The following IL1RAPL1 variants were observed in gnomAD, a reference collection of about 807,000 sequenced individuals.
IL1RAPL1 encodes interleukin-1 receptor accessory protein-like 1.
A neutral mutation model predicts 48.4 loss-of-function variants in IL1RAPL1; 3 were observed. The ratio of observed to expected loss-of-function variants is 0.06; its 90% CI spans 0.03 to 0.16. The LOEUF is 0.16. Ranked by LOEUF, IL1RAPL1 falls within the 10% of genes least tolerant of loss-of-function variation. The probability of loss-of-function intolerance (pLI) is 1.00; values close to 1 mark genes in which losing one functional copy is unlikely to be tolerated. For synonymous variants in IL1RAPL1, 185 were observed against 187.7 expected (o/e 0.99, Z 0.12); for missense variants, 349 against 530.6 (o/e 0.66, Z 3.36).
At chrX:29,608,369 C>G (rs769477120) in intron 5 of IL1RAPL1, among the ~76,000 whole-genome samples, 2 of 99,747 alleles carry the variant, frequency 2.0e-5, no homozygotes, top group Non-Finnish European at 3.9e-5. Flanking sequence ...GTAGGTATTA[C>G]CATCATAGAA....
At chrX:28,916,910 A>C (rs747510451) in intron 2 of IL1RAPL1, among the ~76,000 whole-genome samples, 1 of 112,170 alleles carries the variant, frequency 8.9e-6, no homozygotes, top group South Asian at 3.7e-4. Flanking sequence ...ATCTGGAATG[A>C]CTTTTTTCTA....
intron 5 of IL1RAPL1, among the ~76,000 whole-genome samples, chrX:29,555,337 TA>T (rs1921959000): frequency 1.8e-5 from 2 of 112,587 alleles, no homozygotes; most frequent in African/African-American, 6.5e-5. Flanking sequence ...GCAACCATTT[TA>T]AAATACTTAC....
At chrX:29,356,568 TAC>T (rs746323746) in intron 3 of IL1RAPL1, among the ~76,000 whole-genome samples, 25 of 108,430 alleles carry the variant, frequency 2.3e-4, no homozygotes, top group Admixed American at 4.0e-4. Context: ...GTGTGACACA[TAC>T]ACACACACAC....
At chrX:29,652,567 A>G (rs943555427) in intron 5 of IL1RAPL1, among the ~76,000 whole-genome samples, 9 of 112,091 alleles carry the variant, frequency 8.0e-5, no homozygotes, top group Admixed American at 4.7e-4. Flanking sequence ...CAGCTTGAGA[A>G]TAGTTCCAGA....
At chrX:28,932,512 C>T (rs892462647) in intron 2 of IL1RAPL1, among the ~76,000 whole-genome samples, 4 of 111,158 alleles carry the variant, frequency 3.6e-5, no homozygotes, top group African/African-American at 6.5e-5. Flanking sequence ...CAAGTACTAG[C>T]GTTTCAGAGA....
intron 3 of IL1RAPL1, among the ~76,000 whole-genome samples, chrX:29,343,074 A>G (rs932574349): frequency 3.1e-4 from 35 of 112,395 alleles, no homozygotes; most frequent in African/African-American, 1.0e-3. Context: ...ACTGTCTGCA[A>G]CAAGTATTAA....
intron 1 of IL1RAPL1, among the ~76,000 whole-genome samples, chrX:28,725,300 C>T (rs1320164394): frequency 9.0e-6 from 1 of 111,214 alleles, no homozygotes; most frequent in Non-Finnish European, 1.9e-5. Context: ...TCACAAAGAA[C>T]TACTTCAGAA....
At chrX:29,952,916 A>G (rs948204862) in intron 9 of IL1RAPL1, among the ~76,000 whole-genome samples, 2 of 111,894 alleles carry the variant, frequency 1.8e-5, no homozygotes, top group African/African-American at 6.5e-5. Flanking sequence ...CTTTACATGT[A>G]GCAAACACTT....
intron 2 of IL1RAPL1, among the ~76,000 whole-genome samples, chrX:28,965,866 C>T (rs1924906888): frequency 1.8e-5 from 2 of 111,679 alleles, no homozygotes; most frequent in Non-Finnish European, 3.8e-5. Context: ...GTAAAAGTAA[C>T]CTTTTTCAGG....
intron 5 of IL1RAPL1, among the ~76,000 whole-genome samples, chrX:29,586,420 G>A (rs1157902516): frequency 1.8e-5 from 2 of 111,354 alleles, no homozygotes; most frequent in South Asian, 3.7e-4. Context: ...TGTCTTTATG[G>A]CATTACCATA....
intron 2 of IL1RAPL1, among the ~76,000 whole-genome samples, chrX:29,174,800 G>A (rs999308047): frequency 8.9e-6 from 1 of 111,908 alleles, no homozygotes; most frequent in African/African-American, 3.2e-5. Flanking sequence ...GAGACCTGGC[G>A]TGCTGGCTCA....
chrX:29,133,762 T>G (rs1040491394), intron 2 of IL1RAPL1, among the ~76,000 whole-genome samples: 3 of 111,893 alleles, frequency 2.7e-5, no homozygotes, highest in African/African-American at 9.7e-5. Flanking sequence ...GACAAGTACA[T>G]GATGTCATGT....
chrX:29,432,672 A>G (rs937401658), intron 5 of IL1RAPL1, among the ~76,000 whole-genome samples: 4 of 111,878 alleles, frequency 3.6e-5, no homozygotes, highest in African/African-American at 1.3e-4. Flanking sequence ...TGCAGAGTAA[A>G]GGAATAGATA....
chrX:29,757,951 A>G (rs1465612862), intron 6 of IL1RAPL1, among the ~76,000 whole-genome samples: 3 of 111,971 alleles, frequency 2.7e-5, no homozygotes, highest in Non-Finnish European at 5.6e-5. Flanking sequence ...CTTAATATGT[A>G]TAGCCATGGA....
chrX:28,963,589 GC>G (rs904532343), intron 2 of IL1RAPL1, among the ~76,000 whole-genome samples: 3 of 111,120 alleles, frequency 2.7e-5, no homozygotes, highest in African/African-American at 9.8e-5. Flanking sequence ...CTAGGAAGGT[GC>G]CCATCCTCCT....
intron 2 of IL1RAPL1, among the ~76,000 whole-genome samples, chrX:29,128,164 G>A (rs1224827073): frequency 9.1e-6 from 1 of 110,478 alleles, no homozygotes; most frequent in Non-Finnish European, 1.9e-5. Context: ...TCTTGGACAA[G>A]GTGATCAAAA....
intron 2 of IL1RAPL1, chrX:28,982,796 G>A (rs1468200780): frequency 3.6e-5 from 4 of 111,005 alleles, no homozygotes; most frequent in African/African-American, 1.3e-4. Flanking sequence ...GTTCTTAAAC[G>A]TATCAGCAAT....
intron 6 of IL1RAPL1, among the ~76,000 whole-genome samples, chrX:29,881,969 A>G (rs1932041229): frequency 9.0e-6 from 1 of 111,708 alleles, no homozygotes; most frequent in African/African-American, 3.2e-5. Flanking sequence ...AATTGGTTCT[A>G]TAGAGGGAAA....
At chrX:29,386,162 G>A (rs762802005) in intron 3 of IL1RAPL1, among the ~76,000 whole-genome samples, 52 of 111,080 alleles carry the variant, frequency 4.7e-4, no homozygotes, top group Non-Finnish European at 8.9e-4. Context: ...CTGAGTAGCT[G>A]GGATTACAGG....
Sources: gnomAD v4.1 joint callset for allele counts (sites outside exome capture counted in the v4.1 genomes callset) on GRCh38, gnomAD v4.1.1 for gene constraint, MANE v1.5 for transcripts, NCBI Gene and HGNC (gene_info 2026-07-23, HGNC 2026-07-21) for gene names.